ACER3: variants seen among roughly 807,000 people sequenced by gnomAD.
ACER3 encodes alkaline ceramidase 3.
In ACER3, 16 loss-of-function variants were observed where a neutral mutation model predicts 48.9. The ratio of observed to expected loss-of-function variants is 0.33; its 90% CI spans 0.22 to 0.50. The LOEUF is 0.50. Ranked by LOEUF, ACER3 falls within the 20% of genes least tolerant of loss-of-function variation. ACER3 has a pLI of 0.98. For synonymous variants in ACER3, 109 were observed against 107.8 expected, an observed-to-expected ratio of 1.01 and a Z score of -0.07; for missense variants, 227 against 326.0, an observed-to-expected ratio of 0.70 and a Z score of 2.34.
intron 3 of ACER3, among the ~76,000 whole-genome samples, chr11:76,974,794 T>G (rs1354546641): frequency 6.6e-6 from 1 of 152,120 alleles, no homozygotes; most frequent in East Asian, 1.9e-4. Flanking sequence ...AAGGTGAATT[T>G]TATGGTATGT....
chr11:76,862,844 GA>G (rs942628310), intron 1 of ACER3, among the ~76,000 whole-genome samples: 7 of 152,120 alleles, frequency 4.6e-5, no homozygotes, highest in African/African-American at 1.7e-4. Context: ...ATTTTCGAAG[GA>G]AAAAATTATT....
At chr11:77,019,903 C>A in intron 10 of ACER3, 127 bp downstream of exon 10, 2 of 948,472 alleles carry the variant, frequency 2.1e-6, no homozygotes, top group Non-Finnish European at 3.3e-6. Flanking sequence ...GAACCAAAGG[C>A]TGTGAATCTT....
In ACER3 at chr11:76,866,147, T is replaced by C. The variant is rs185450211; in HGVS notation, c.103+5068T>C. On this transcript the variant is annotated intron_variant, in intron 1 of 10. Transcript: ENST00000532485. ...AGCCCCTCAGACTACATATTTAGAGTCCCTTGAATGGCAGTAGCGTCAGCA... is the reference window on the plus strand; with the variant it reads ...AGCCCCTCAGACTACATATTTAGAGCCCCTTGAATGGCAGTAGCGTCAGCA... 2.7e-3 allele frequency among the ~76,000 whole-genome samples: 405 copies of C among 152,064 alleles called. 3 individuals are homozygous for C. Among genetic ancestry groups the C allele is most frequent in the African/African-American group, 9.4e-3 (389 of 41,474 alleles).
intron 1 of ACER3, among the ~76,000 whole-genome samples, chr11:76,865,735 C>T (rs1228414879): frequency 6.6e-6 from 1 of 152,050 alleles, no homozygotes; most frequent in Non-Finnish European, 1.5e-5. Flanking sequence ...TCTCAAATGC[C>T]TGACCTGCAG....
intron 6 of ACER3, among the ~76,000 whole-genome samples, chr11:76,993,465 A>C (rs1221903946): frequency 2.0e-5 from 3 of 152,236 alleles, no homozygotes; most frequent in Non-Finnish European, 2.9e-5. Flanking sequence ...TGTAAAAATT[A>C]ATTGCAGTAT....
chr11:76,968,568 C>A (rs1948204048), intron 3 of ACER3, among the ~76,000 whole-genome samples: 2 of 152,206 alleles, frequency 1.3e-5, no homozygotes, highest in Admixed American at 1.3e-4. Context: ...GTAACCAAAA[C>A]AGCCTGGTAC....
chr11:77,018,571 T>G (rs1426645617), intron 9 of ACER3, among the ~76,000 whole-genome samples: 1 of 152,270 alleles, frequency 6.6e-6, no homozygotes, highest in Non-Finnish European at 1.5e-5. Flanking sequence ...AGGCCTCTTG[T>G]GCCAAACAGT....
At chr11:76,893,177 C>T (rs1945850150) in intron 1 of ACER3, among the ~76,000 whole-genome samples, 1 of 152,096 alleles carries the variant, frequency 6.6e-6, no homozygotes, top group Non-Finnish European at 1.5e-5. Context: ...AAAGACATCC[C>T]ACGCTCATGA....
At chr11:76,927,795 T>A (rs989663022) in intron 2 of ACER3, among the ~76,000 whole-genome samples, 1 of 152,228 alleles carries the variant, frequency 6.6e-6, no homozygotes, top group Admixed American at 6.5e-5. Flanking sequence ...GAACTCATCC[T>A]TTTTTAATGG....
intron 1 of ACER3, among the ~76,000 whole-genome samples, chr11:76,914,540 A>G (rs533383191): frequency 6.6e-6 from 1 of 152,300 alleles, no homozygotes; most frequent in African/African-American, 2.4e-5. Context: ...AAAAGTCAGG[A>G]AACAACACGT....
intron 1 of ACER3, among the ~76,000 whole-genome samples, chr11:76,926,030 C>T (rs1024573317): frequency 1.3e-5 from 2 of 152,068 alleles, no homozygotes; most frequent in African/African-American, 2.4e-5. Context: ...AATTAAGATC[C>T]ATTAATTAGG....
chr11:76,982,935 C>G (rs1228742573), intron 4 of ACER3, among the ~76,000 whole-genome samples: 2 of 152,090 alleles, frequency 1.3e-5, no homozygotes, highest in African/African-American at 4.8e-5. Context: ...TTTCTCAATT[C>G]TGTTTTATTG....
intron 1 of ACER3, among the ~76,000 whole-genome samples, chr11:76,870,461 T>G (rs1250322641): frequency 6.6e-6 from 1 of 152,138 alleles, no homozygotes; most frequent in East Asian, 1.9e-4. Flanking sequence ...CTTCTGTCAG[T>G]GTACACTTGG....
chr11:76,887,350 A>G (rs1036733572), intron 1 of ACER3, among the ~76,000 whole-genome samples: 1 of 152,160 alleles, frequency 6.6e-6, no homozygotes, highest in African/African-American at 2.4e-5. Context: ...GATTGGTTTT[A>G]AGGGAGGTAA....
intron 8 of ACER3, 57 bp downstream of exon 8, chr11:77,015,174 G>T: frequency 3.1e-6 from 3 of 959,130 alleles, no homozygotes; most frequent in Non-Finnish European, 4.9e-6. Context: ...ATTAAGTAGA[G>T]AATTTTATAA....
chr11:76,974,361 AC>A (rs1948382069), intron 3 of ACER3, among the ~76,000 whole-genome samples: 1 of 152,178 alleles, frequency 6.6e-6, no homozygotes, highest in South Asian at 2.1e-4. Flanking sequence ...TGGCATTCTT[AC>A]TTTTATTGTT....
At chr11:76,861,100 G>A in intron 1 of ACER3, 21 bp downstream of exon 1, 1 of 1,534,454 alleles carries the variant, frequency 6.5e-7, no homozygotes, top group South Asian at 1.2e-5. Context: ...CCTGAGGAGG[G>A]GAGTGGGGGC....
At chr11:76,978,787 C>T (rs982525679) in intron 4 of ACER3, among the ~76,000 whole-genome samples, 1 of 152,212 alleles carries the variant, frequency 6.6e-6, no homozygotes, top group African/African-American at 2.4e-5. Flanking sequence ...TGGTTTCTGG[C>T]ATCTCCCAGT....
intron 4 of ACER3, among the ~76,000 whole-genome samples, chr11:76,984,775 T>C (rs1438186876): frequency 6.6e-6 from 1 of 152,208 alleles, no homozygotes; most frequent in Non-Finnish European, 1.5e-5. Context: ...GAATCATTAG[T>C]TGCAAGATAT....
Sources: allele counts gnomAD v4.1 joint callset (sites outside exome capture counted in the v4.1 genomes callset), GRCh38; gene constraint gnomAD v4.1.1; transcripts MANE v1.5; gene names NCBI Gene and HGNC (gene_info 2026-07-23, HGNC 2026-07-21).